PPP1R21: variants seen among roughly 807,000 people sequenced by gnomAD.
PPP1R21 encodes protein phosphatase 1 regulatory subunit 21.
A neutral mutation model predicts 112.8 loss-of-function variants in PPP1R21; 85 were observed. The observed-to-expected ratio is 0.75, with a 90% CI of 0.63 to 0.90. The LOEUF is 0.90. Among genes scored for constraint, PPP1R21 ranks in the 40% least tolerant of loss-of-function variants. PPP1R21 has a pLI of 0.00. For synonymous variants in PPP1R21, 381 were observed against 322.3 expected, an observed-to-expected ratio of 1.18 and a Z score of -1.95; for missense variants, 1,199 against 901.5, an observed-to-expected ratio of 1.33 and a Z score of -4.23.
intron 12 of PPP1R21, among the ~76,000 whole-genome samples, chr2:48,475,995 A>T (rs112398264): frequency 6.6e-6 from 1 of 152,172 alleles, no homozygotes; most frequent in Non-Finnish European, 1.5e-5. Flanking sequence ...AAAGTTTACA[A>T]TTCAGTGGTT....
At chr2:48,483,567 G>A (rs72822223) in intron 13 of PPP1R21, among the ~76,000 whole-genome samples, 16,310 of 152,194 alleles carry the variant, frequency 0.11, 971 homozygotes, top group South Asian at 0.19. Flanking sequence ...AAAGCTAGAG[G>A]CATCACGTTA....
chr2:48,454,033 TGGATCACCTGA>T (rs369882661), intron 2 of PPP1R21, among the ~76,000 whole-genome samples: 1,560 of 152,118 alleles, frequency 0.01, 22 homozygotes, highest in African/African-American at 0.036. Context: ...CCGAGGCAGG[TGGATCACCTGA>T]GGTCAGGAGT....
intron 21 of PPP1R21, among the ~76,000 whole-genome samples, chr2:48,513,296 C>T (rs957813327): frequency 2.6e-5 from 4 of 151,940 alleles, no homozygotes; most frequent in African/African-American, 4.8e-5. Context: ...CCTTCACCTC[C>T]CAGGTTCAAG....
intron 15 of PPP1R21, among the ~76,000 whole-genome samples, chr2:48,493,740 C>T (rs1477624722): frequency 6.6e-6 from 1 of 151,992 alleles, no homozygotes; most frequent in Non-Finnish European, 1.5e-5. Context: ...TCCATCTTTT[C>T]TCCATTCAGT....
At chr2:48,457,801 G>C (rs768439848) in intron 3 of PPP1R21, among the ~76,000 whole-genome samples, 1 of 152,170 alleles carries the variant, frequency 6.6e-6, no homozygotes, top group South Asian at 2.1e-4. Context: ...TGATATTTAT[G>C]AGCTTATTTT....
rs1466068683 is a variant in PPP1R21 at position 48,497,299 on chromosome 2, G to A, written c.1693-1194G>A. Among the ~76,000 whole-genome samples the A allele has an allele frequency of 2.0e-5, 3 of 152,182 alleles. No individual in the cohort carries two copies. In the East Asian group the frequency reaches 5.8e-4, roughly 29 times the overall value. On this transcript the variant is annotated intron_variant, in intron 16 of 21. Coordinates refer to ENST00000294952, the MANE Select transcript of PPP1R21 (RefSeq NM_001135629.3). The stretch of plus-strand genomic sequence containing the variant: ...TATTTTGGGGTCACAGAAGTCTTCT[G>A]TATTGATTGTTAAAGTGTGAGAACA...
At chr2:48,470,555 T>A (rs915636509) in intron 9 of PPP1R21, among the ~76,000 whole-genome samples, 15 of 152,250 alleles carry the variant, frequency 9.9e-5, no homozygotes, top group African/African-American at 3.4e-4. Context: ...ATCCTCATTT[T>A]GATAATTACA....
intron 13 of PPP1R21, among the ~76,000 whole-genome samples, chr2:48,481,359 A>G (rs1350021193): frequency 6.6e-6 from 1 of 152,236 alleles, no homozygotes; most frequent in Non-Finnish European, 1.5e-5. Flanking sequence ...CACAACTTGG[A>G]TAGGCAGTAT....
intron 17 of PPP1R21, among the ~76,000 whole-genome samples, chr2:48,500,720 A>G (rs1424341446): frequency 6.6e-6 from 1 of 152,158 alleles, no homozygotes; most frequent in Non-Finnish European, 1.5e-5. Flanking sequence ...AGACCTGGGC[A>G]ACAAGGTGAA....
chr2:48,481,991 T>C (rs1049106240), intron 13 of PPP1R21, among the ~76,000 whole-genome samples: 4 of 152,228 alleles, frequency 2.6e-5, no homozygotes, highest in African/African-American at 7.2e-5. Context: ...ATGAATTTCT[T>C]ATTTAGACTT....
At chr2:48,513,344 A>G (rs769115845) in intron 21 of PPP1R21, among the ~76,000 whole-genome samples, 10 of 151,494 alleles carry the variant, frequency 6.6e-5, no homozygotes, top group Non-Finnish European at 1.2e-4. Flanking sequence ...AACTGGGACT[A>G]CAGGCATGCA....
chr2:48,455,072 A>T (rs1045730030), intron 3 of PPP1R21, among the ~76,000 whole-genome samples: 6 of 151,874 alleles, frequency 4.0e-5, no homozygotes, highest in African/African-American at 1.5e-4. Context: ...TCCTGGACTC[A>T]AGCGATCCAC....
intron 18 of PPP1R21, among the ~76,000 whole-genome samples, chr2:48,506,261 T>C (rs1372813933): frequency 1.3e-5 from 2 of 152,156 alleles, no homozygotes; most frequent in African/African-American, 2.4e-5. Flanking sequence ...GTCCAGCTAA[T>C]TTTTGTACTT....
intron 17 of PPP1R21, among the ~76,000 whole-genome samples, chr2:48,501,278 C>T (rs1270486342): frequency 6.6e-6 from 1 of 152,206 alleles, no homozygotes; most frequent in African/African-American, 2.4e-5. Flanking sequence ...TGGGGTCAGA[C>T]TGTTCATTAT....
At position 48,469,481 on chromosome 2, in the gene PPP1R21, T is replaced by TAG. The variant is rs1475944713; in HGVS notation, c.898-1605_898-1604insGA. The stretch of plus-strand genomic sequence containing the variant: ...TATATATATAGAGCATATATATATA[T>TAG]ATAGAGCATATATATATATATATAG... On this transcript the variant is annotated intron_variant, in intron 9 of 21. Coordinates refer to ENST00000294952, the MANE Select transcript of PPP1R21 (RefSeq NM_001135629.3). Among the ~76,000 whole-genome samples the TAG allele has an allele frequency of 4.0e-4, 30 of 75,718 alleles. 1 individual carries two copies. The highest frequency in any genetic ancestry group is 7.3e-4 in the Non-Finnish European group (26 of 35,582). 49.7% of individuals were successfully genotyped at this position (75,718 alleles called of 152,430 possible). A position where few individuals can be genotyped will look rare whatever the true frequency, so the allele number is the denominator to read the frequency against.
chr2:48,471,038 T>G (rs1227401691), intron 9 of PPP1R21, 49 bp from the exon 10 acceptor site: 2 of 1,276,998 alleles, frequency 1.6e-6, no homozygotes, highest in East Asian at 4.7e-5. Context: ...TGTGTTGATG[T>G]TTGTTATTTT....
chr2:48,475,320 T>C (rs1668702541), intron 12 of PPP1R21, among the ~76,000 whole-genome samples: 1 of 152,084 alleles, frequency 6.6e-6, no homozygotes, highest in Admixed American at 6.5e-5. Flanking sequence ...ACCACTGCAC[T>C]CCAGCCTGGG....
intron 17 of PPP1R21, among the ~76,000 whole-genome samples, chr2:48,504,836 A>T (rs1170686824): frequency 6.6e-6 from 1 of 152,068 alleles, no homozygotes; most frequent in Non-Finnish European, 1.5e-5. Context: ...ACTTTTAAAA[A>T]ATCTAGCAGC....
chr2:48,440,812 CGCG>C lies in PPP1R21; in HGVS notation c.-121_-119del, dbSNP rs34664331. ...GGGAACCCGGAAGTGGAGGAGGAGG[CGCG>C]GCGGCGGCGGCGGCGGCGGCTGCGG... On this transcript the variant is annotated 5_prime_UTR_variant, in exon 1 of 22. Coordinates refer to ENST00000294952, the MANE Select transcript of PPP1R21 (RefSeq NM_001135629.3). The C allele has an allele frequency of 0.091, 55,391 of 606,200 alleles. 2,467 individuals carry two copies. The highest frequency in any genetic ancestry group is 0.11 in the Non-Finnish European group (37,820 of 340,818). The allele number at this position is 606,200 out of a possible 1,614,324, so 37.6% of individuals were successfully genotyped here.
Sources: gnomAD v4.1 joint callset for allele counts (sites outside exome capture counted in the v4.1 genomes callset) on GRCh38, gnomAD v4.1.1 for gene constraint, MANE v1.5 for transcripts, NCBI Gene and HGNC (gene_info 2026-07-23, HGNC 2026-07-21) for gene names.